ZFYVE26: variants seen among roughly 807,000 people sequenced by gnomAD.
ZFYVE26 encodes zinc finger FYVE-type containing 26, also known as zinc finger FYVE domain-containing protein 26.
A neutral mutation model predicts 276.5 loss-of-function variants in ZFYVE26; 181 were observed. The observed-to-expected ratio is 0.65, with a 90% CI of 0.58 to 0.74. The LOEUF is 0.74. ZFYVE26 is among the 30% of genes least tolerant of loss of function. The pLI is 0.00. For synonymous variants in ZFYVE26, 1,129 were observed against 1,203.1 expected (o/e 0.94, Z 1.27); for missense variants, 2,821 against 3,097.9 (o/e 0.91, Z 2.12).
At position 67,780,138 on chromosome 14, in the gene ZFYVE26, T is replaced by A. The variant is rs2295106; in HGVS notation, c.4674+103A>T. ...CCAGAATGTGGTATAGTTATTTTTT[T>A]AAAAAGTGAACATTGATATGCAGAA... On this transcript the variant is annotated intron_variant, in intron 23 of 41. Coordinates refer to ENST00000347230, the MANE Select transcript of ZFYVE26 (RefSeq NM_015346.4). 701,347 of 1,055,584 alleles carry A rather than the reference T, an allele frequency of 0.66. 237,673 individuals are homozygous for A. The highest frequency in any genetic ancestry group is 0.98 in the East Asian group (37,159 of 38,094). 65.4% of individuals were successfully genotyped at this position (1,055,584 alleles called of 1,614,324 possible). A position where few individuals can be genotyped will look rare whatever the true frequency, so the allele number is the denominator to read the frequency against.
At chr14:67,786,469 T>A (rs2039662516) in intron 16 of ZFYVE26, among the ~76,000 whole-genome samples, 3 of 152,190 alleles carry the variant, frequency 2.0e-5, no homozygotes, top group Admixed American at 6.5e-5. Context: ...AGATTCAGAA[T>A]CTCTGGCACT....
intron 12 of ZFYVE26, among the ~76,000 whole-genome samples, chr14:67,795,774 A>T (rs1430047491): frequency 6.6e-6 from 1 of 152,262 alleles, no homozygotes; most frequent in Non-Finnish European, 1.5e-5. Context: ...AGAGAAAAAA[A>T]TAATAGCACA....
chr14:67,808,802 A>G (rs1167900072), intron 4 of ZFYVE26, among the ~76,000 whole-genome samples: 2 of 152,166 alleles, frequency 1.3e-5, no homozygotes, highest in African/African-American at 4.8e-5. Flanking sequence ...GCACTAAAGT[A>G]GTAACTGATA....
chr14:67,750,874 C>G (rs2038618921), intron 41 of ZFYVE26, 178 bp downstream of exon 41: 3 of 766,114 alleles, frequency 3.9e-6, no homozygotes, highest in Non-Finnish European at 6.7e-6. Context: ...TTCACCTGCT[C>G]CTCATCTATT....
chr14:67,790,162 G>A (rs985723405), intron 15 of ZFYVE26, among the ~76,000 whole-genome samples: 2 of 152,216 alleles, frequency 1.3e-5, no homozygotes, highest in Non-Finnish European at 2.9e-5. Flanking sequence ...TGAGACCTGT[G>A]AATTCTAGGC....
chr14:67,808,330 A>C (rs1402877890), intron 4 of ZFYVE26, among the ~76,000 whole-genome samples: 1 of 152,316 alleles, frequency 6.6e-6, no homozygotes, highest in East Asian at 1.9e-4. Flanking sequence ...AATTTTTAAA[A>C]GAATGTCAGT....
intron 37 of ZFYVE26, among the ~76,000 whole-genome samples, chr14:67,754,786 G>A (rs1018598788): frequency 6.6e-6 from 1 of 152,148 alleles, no homozygotes; most frequent in Non-Finnish European, 1.5e-5. Context: ...GGGCCAGAAC[G>A]TGCAGGAGCC....
In ZFYVE26 at chr14:67,790,109, T is replaced by G. The variant is rs1263584146; in HGVS notation, c.2755+463A>C. Among the ~76,000 whole-genome samples the G allele has an allele frequency of 2.0e-5, 3 of 152,170 alleles. No individual in the cohort carries two copies. The East Asian group carries it at 5.8e-4, about 29-fold the overall frequency. On this transcript the variant is annotated intron_variant, in intron 15 of 41. Transcript: ENST00000347230. ...ACAAGATTCCAACTTCAAGAAGTAA[T>G]GAAAGGATGGGCTCTTTTGCAGTGC...
chr14:67,784,653 G>A (rs1368213709), intron 19 of ZFYVE26, among the ~76,000 whole-genome samples: 1 of 152,136 alleles, frequency 6.6e-6, no homozygotes, highest in African/African-American at 2.4e-5. Context: ...AACCCCAGAC[G>A]AACTTCAGTG....
chr14:67,805,589 T>G lies in ZFYVE26; in HGVS notation c.1047A>C (p.Glu349Asp). 1 of 1,614,204 alleles carries G rather than the reference T, an allele frequency of 6.2e-7. No homozygotes were observed. Among genetic ancestry groups the G allele is most frequent in the Non-Finnish European group, 8.5e-7 (1 of 1,180,032 alleles). ...GTAGGCAGCCAAGATTTGGGAAGTC[T>G]TCTTCTTTCAACAATGTTAGTGCTG... ...LVTALTLLKE[E>D]DFPNLGCLLD... The change falls in exon 7 of 42, where the codon GAA (glutamate) becomes GAC (aspartate). Residue 349 changes from glutamate to aspartate, a missense_variant. By Grantham distance (45) the Glu-to-Asp change is conservative. Transcript: ENST00000347230.
intron 16 of ZFYVE26, among the ~76,000 whole-genome samples, chr14:67,788,118 C>T (rs933889605): frequency 3.3e-5 from 5 of 150,654 alleles, no homozygotes; most frequent in Non-Finnish European, 7.4e-5. Context: ...TGGTTGGGTG[C>T]GGTGGCTCAC....
Position 67,769,691 on chromosome 14 carries a change from C to A in ZFYVE26, c.5524G>T (p.Val1842Leu). 1.9e-6 allele frequency: 3 copies of A among 1,614,150 alleles called. No individual in the cohort carries two copies. Among genetic ancestry groups the A allele is most frequent in the Non-Finnish European group, 2.5e-6 (3 of 1,180,022 alleles). Residue 1842 changes from valine to leucine, a missense_variant, in exon 29 of 42, where the codon GTG becomes TTG. Transcript: ENST00000347230. ...TTCTTAGTGGAGCAGGAGCTGCACACTAGCCGGCCACAGCGGCGACAATGA... is the reference window on the plus strand; with the variant it reads ...TTCTTAGTGGAGCAGGAGCTGCACAATAGCCGGCCACAGCGGCGACAATGA... ...RHHCRRCGRL[V>L]CSSCSTKKMV...
Position 67,769,768 on chromosome 14 carries a change from A to C in ZFYVE26, c.5485-38T>G, listed in dbSNP as rs1594898703. 3 of 1,613,328 alleles carry C rather than the reference A, an allele frequency of 1.9e-6. No homozygotes were observed. In the South Asian group the frequency reaches 3.3e-5, roughly 18 times the overall value. ...ATCAGGAGGAGAAGAAAGAGGGAGG[A>C]GAGAAGGGGAGATTGCCATCAATCC... On this transcript the variant is annotated intron_variant, in intron 28 of 41. Coordinates refer to ENST00000347230, the MANE Select transcript of ZFYVE26 (RefSeq NM_015346.4).
At chr14:67,734,776 T>A (rs986353684) in intron 13 of ZFYVE26, among the ~76,000 whole-genome samples, 2 of 152,210 alleles carry the variant, frequency 1.3e-5, no homozygotes, top group Non-Finnish European at 2.9e-5. Flanking sequence ...ACGGAGACAC[T>A]CTTCCCCTTG....
intron 31 of ZFYVE26, 27 bp from the exon 32 acceptor site, chr14:67,766,474 A>G: frequency 1.2e-6 from 2 of 1,606,202 alleles, no homozygotes; most frequent in South Asian, 1.1e-5. Context: ...AAGGGAGAAC[A>G]CACGGTGAGT....
At chr14:67,799,046 C>G (rs1459438904) in intron 10 of ZFYVE26, 1 of 1,185,462 alleles carries the variant, frequency 8.4e-7, no homozygotes. Flanking sequence ...TGACAAAGAA[C>G]AGAGAGCAGT....
At position 67,785,987 on chromosome 14, in the gene ZFYVE26, A is replaced by G. The variant is rs750843407; in HGVS notation, c.3175T>C (p.Cys1059Arg). 6.2e-7 allele frequency: 1 copy of G among 1,614,078 alleles called. No homozygotes were observed. The highest frequency in any genetic ancestry group is 8.5e-7 in the Non-Finnish European group (1 of 1,180,044). The change falls in exon 18 of 42, where the codon TGC (cysteine) becomes CGC (arginine). Residue 1059 changes from cysteine (C) to arginine (R), a missense_variant. Coordinates refer to ENST00000347230, the MANE Select transcript of ZFYVE26 (RefSeq NM_015346.4). ...ATCTGAAGCAGTTCAGTGATGCTGC[A>G]CCGTGGAGGGCCTCCTCCCTTTTCT... is the stretch of plus-strand genomic sequence containing the variant. Reference protein sequence around the residue: ...VEEKGGGPPRCSITELLQMCW... With the variant: ...VEEKGGGPPRRSITELLQMCW...
intron 32 of ZFYVE26, among the ~76,000 whole-genome samples, chr14:67,763,550 C>T (rs1034046719): frequency 1.3e-5 from 2 of 152,200 alleles, no homozygotes; most frequent in Non-Finnish European, 1.5e-5. Context: ...AGCCTAGGAA[C>T]AATAGATCAT....
downstream of ZFYVE26, among the ~76,000 whole-genome samples, chr14:67,745,325 G>A (rs2038468767): frequency 6.6e-6 from 1 of 152,032 alleles, no homozygotes; most frequent in South Asian, 2.1e-4. Flanking sequence ...CAGATGGATA[G>A]ATTTAAAAAA....
Sources: allele counts gnomAD v4.1 joint callset (sites outside exome capture counted in the v4.1 genomes callset), GRCh38; gene constraint gnomAD v4.1.1; transcripts MANE v1.5; gene names NCBI Gene and HGNC (gene_info 2026-07-23, HGNC 2026-07-21).